SLC24A2: variants seen among roughly 807,000 people sequenced by gnomAD.
SLC24A2 encodes solute carrier family 24 member 2.
A neutral mutation model predicts 62.0 loss-of-function variants in SLC24A2; 36 were observed. The observed-to-expected ratio is 0.58, with a 90% CI of 0.44 to 0.77. The LOEUF (loss-of-function observed/expected upper bound fraction) is 0.77. Among genes scored for constraint, SLC24A2 ranks in the 30% least tolerant of loss-of-function variants. The pLI is 0.00. For missense variants in SLC24A2, 846 were observed against 817.9 expected (o/e 1.03, Z -0.42); for synonymous variants, 358 against 294.0 (o/e 1.22, Z -2.23).
intron 7 of SLC24A2, among the ~76,000 whole-genome samples, chr9:19,556,707 G>A (rs1835104289): frequency 6.6e-6 from 1 of 152,152 alleles, no homozygotes; most frequent in Non-Finnish European, 1.5e-5. Context: ...GTGGAATGAT[G>A]CTGGGTCAAA....
At chr9:19,541,368 G>C (rs1339278430) in intron 8 of SLC24A2, among the ~76,000 whole-genome samples, 17 of 151,500 alleles carry the variant, frequency 1.1e-4, no homozygotes, top group African/African-American at 3.9e-4. Flanking sequence ...TGATGGTGAT[G>C]TACAGATGGG....
At chr9:19,849,956 C>G in the SLC24A2 span, among the ~76,000 whole-genome samples, 3 of 150,996 alleles carry the variant, frequency 2.0e-5, no homozygotes, top group African/African-American at 7.3e-5. Context: ...AGGCAGTTAG[C>G]ACATTTCCAG....
chr9:19,916,486 C>T, the SLC24A2 span, among the ~76,000 whole-genome samples: 1 of 152,118 alleles, frequency 6.6e-6, no homozygotes, highest in Admixed American at 6.6e-5. Flanking sequence ...AGGCAGAAGG[C>T]AGATATTGTC....
chr9:19,774,013 A>G (rs1426139228), intron 2 of SLC24A2, among the ~76,000 whole-genome samples: 1 of 152,190 alleles, frequency 6.6e-6, no homozygotes, highest in African/African-American at 2.4e-5. Flanking sequence ...GCAGATTCAT[A>G]TGGCTGCAAG....
chr9:19,697,268 C>T (rs1401303999), intron 2 of SLC24A2, among the ~76,000 whole-genome samples: 1 of 152,124 alleles, frequency 6.6e-6, no homozygotes, highest in Non-Finnish European at 1.5e-5. Context: ...GAACAACACA[C>T]ACTGGGGCCT....
At chr9:20,115,371 C>T in the SLC24A2 span, among the ~76,000 whole-genome samples, 1 of 152,088 alleles carries the variant, frequency 6.6e-6, no homozygotes, top group East Asian at 1.9e-4. Flanking sequence ...GAAGAACTAC[C>T]CTCAGTCAGA....
chr9:19,608,806 A>G (rs1213798353), intron 4 of SLC24A2, among the ~76,000 whole-genome samples: 1 of 151,898 alleles, frequency 6.6e-6, no homozygotes, highest in Non-Finnish European at 1.5e-5. Context: ...ACACACACAC[A>G]CACACACGCA....
chr9:19,828,950 G>A, the SLC24A2 span, among the ~76,000 whole-genome samples: 1 of 152,106 alleles, frequency 6.6e-6, no homozygotes, highest in Non-Finnish European at 1.5e-5. Context: ...TCTCCCTCCA[G>A]ATCCCTAATG....
intron 2 of SLC24A2, among the ~76,000 whole-genome samples, chr9:19,689,301 A>G (rs1295332373): frequency 6.6e-6 from 1 of 152,150 alleles, no homozygotes; most frequent in Non-Finnish European, 1.5e-5. Context: ...TCAGCCATTT[A>G]TTCTACAATT....
At chr9:20,285,514 G>C in the SLC24A2 span, among the ~76,000 whole-genome samples, 1 of 152,150 alleles carries the variant, frequency 6.6e-6, no homozygotes, top group Non-Finnish European at 1.5e-5. Context: ...CAGGAAGAAT[G>C]CTCTTCTACT....
the SLC24A2 span, among the ~76,000 whole-genome samples, chr9:19,948,005 T>C: frequency 6.6e-6 from 1 of 152,202 alleles, no homozygotes; most frequent in Non-Finnish European, 1.5e-5. Context: ...TGGTTATCTT[T>C]TGCTTTTGTG....
chr9:19,712,957 G>A (rs575944452), intron 2 of SLC24A2, among the ~76,000 whole-genome samples: 1 of 152,226 alleles, frequency 6.6e-6, no homozygotes, highest in East Asian at 1.9e-4. Context: ...CACCCTGGTT[G>A]AGAATCACTG....
chr9:19,986,631 G>A, the SLC24A2 span, among the ~76,000 whole-genome samples: 9 of 152,216 alleles, frequency 5.9e-5, no homozygotes, highest in South Asian at 6.2e-4. Flanking sequence ...AGGTACTGAC[G>A]TATGTTACAG....
chr9:20,109,913 G>A, the SLC24A2 span, among the ~76,000 whole-genome samples: 2 of 151,964 alleles, frequency 1.3e-5, no homozygotes, highest in Admixed American at 6.6e-5. Flanking sequence ...AATTTTAGCT[G>A]GATATTTCCA....
chr9:19,866,607 A>G, the SLC24A2 span, among the ~76,000 whole-genome samples: 2 of 151,458 alleles, frequency 1.3e-5, no homozygotes, highest in African/African-American at 4.8e-5. Flanking sequence ...GCACAAAAAG[A>G]CAAACATCAC....
At chr9:20,026,601 TG>T in the SLC24A2 span, among the ~76,000 whole-genome samples, 1 of 152,190 alleles carries the variant, frequency 6.6e-6, no homozygotes, top group Non-Finnish European at 1.5e-5. Flanking sequence ...TAAATGATGT[TG>T]GTAAAACTGG....
the SLC24A2 span, among the ~76,000 whole-genome samples, chr9:20,229,478 C>A: frequency 6.6e-6 from 1 of 152,234 alleles, no homozygotes; most frequent in African/African-American, 2.4e-5. Context: ...ATTAGAGACT[C>A]TTGAGTAAAA....
At chr9:20,116,520 A>T in the SLC24A2 span, among the ~76,000 whole-genome samples, 1 of 152,148 alleles carries the variant, frequency 6.6e-6, no homozygotes, top group Non-Finnish European at 1.5e-5. Context: ...TAGTTCTCCA[A>T]TGGGCTTTCA....
the SLC24A2 span, among the ~76,000 whole-genome samples, chr9:20,030,635 T>C: frequency 2.6e-5 from 4 of 152,226 alleles, no homozygotes; most frequent in Admixed American, 2.6e-4. Flanking sequence ...TCTCCACTAC[T>C]GCAGCATCAC....
Sources: gnomAD v4.1 joint callset for allele counts (sites outside exome capture counted in the v4.1 genomes callset) on GRCh38, gnomAD v4.1.1 for gene constraint, MANE v1.5 for transcripts, NCBI Gene and HGNC (gene_info 2026-07-23, HGNC 2026-07-21) for gene names.